The following WDR41 variants were observed in gnomAD, a reference collection of about 807,000 sequenced individuals.
WDR41 encodes WD repeat-containing protein 41.
Under a neutral mutation model 69.3 loss-of-function variants are expected in WDR41, and 63 were observed. The observed-to-expected ratio is 0.91, with a 90% CI of 0.74 to 1.12. WDR41 has a LOEUF of 1.12. WDR41 is among the 50% of genes most tolerant of loss of function. The pLI, the probability that WDR41 is intolerant of heterozygous loss-of-function variation, is 0.00. For synonymous variants in WDR41, 185 were observed against 192.1 expected (o/e 0.96, Z 0.31); for missense variants, 543 against 534.5 (o/e 1.02, Z -0.16).
intron 1 of WDR41, among the ~76,000 whole-genome samples, chr5:77,530,454 T>C (rs549007956): frequency 3.3e-5 from 5 of 151,760 alleles, no homozygotes; most frequent in South Asian, 2.1e-4. Context: ...ACTACTGATA[T>C]AATCAACAGT....
chr5:77,584,926 G>T (rs890782575), intron 1 of WDR41, among the ~76,000 whole-genome samples: 3 of 152,158 alleles, frequency 2.0e-5, no homozygotes, highest in African/African-American at 4.8e-5. Flanking sequence ...AGGATTTCAT[G>T]ACCAAGAGCT....
At chr5:77,482,519 T>G (rs2125859) in intron 2 of WDR41, among the ~76,000 whole-genome samples, 1 of 151,846 alleles carries the variant, frequency 6.6e-6, no homozygotes, top group African/African-American at 2.4e-5. Context: ...ACAGTCTGGG[T>G]TTTTTTTCCT....
intron 1 of WDR41, among the ~76,000 whole-genome samples, chr5:77,559,855 G>A (rs542905685): frequency 6.6e-6 from 1 of 152,024 alleles, no homozygotes; most frequent in Non-Finnish European, 1.5e-5. Flanking sequence ...ATTACCTCTT[G>A]GTCCAGCCAG....
intron 1 of WDR41, among the ~76,000 whole-genome samples, chr5:77,521,702 T>C (rs868199619): frequency 2.6e-5 from 4 of 152,186 alleles, no homozygotes; most frequent in Admixed American, 2.0e-4. Flanking sequence ...ACTAGAGGCT[T>C]TTTACAGTCT....
At chr5:77,560,428 GC>G (rs1402175954) in intron 1 of WDR41, among the ~76,000 whole-genome samples, 1 of 152,048 alleles carries the variant, frequency 6.6e-6, no homozygotes, top group Non-Finnish European at 1.5e-5. Flanking sequence ...ACAAATGAAA[GC>G]TTTTTCAAAC....
rs544002335 is a variant in WDR41, at chr5:77,517,984, T to A, written c.43-28412A>T. On this transcript the variant is annotated intron_variant, in intron 1 of 5. Coordinates refer to the WDR41 transcript ENST00000509971. ...TTTCTTAACAATATTCAGCAAACATTAGGCATTCAGTAAAGACTACCAAAT... is the reference window on the plus strand; with the variant it reads ...TTTCTTAACAATATTCAGCAAACATAAGGCATTCAGTAAAGACTACCAAAT... 4.6e-5 allele frequency among the ~76,000 whole-genome samples: 7 copies of A among 152,224 alleles called. No individual in the cohort carries two copies. The East Asian group carries it at 1.4e-3, about 29-fold the overall frequency.
At chr5:77,535,431 A>G (rs1199608288) in intron 1 of WDR41, among the ~76,000 whole-genome samples, 2 of 152,192 alleles carry the variant, frequency 1.3e-5, no homozygotes, top group African/African-American at 4.8e-5. Context: ...AATCTATTCC[A>G]TGATGTTCAC....
intron 1 of WDR41, among the ~76,000 whole-genome samples, chr5:77,540,230 A>G (rs10070168): frequency 0.33 from 49,852 of 152,056 alleles, 8,267 homozygotes; most frequent in Middle Eastern, 0.35. Context: ...TGCTTTGATA[A>G]TTCTGCAAAC....
At chr5:77,523,695 C>A (rs918921481) in intron 1 of WDR41, among the ~76,000 whole-genome samples, 2 of 151,996 alleles carry the variant, frequency 1.3e-5, no homozygotes, top group East Asian at 3.9e-4. Context: ...AACAATCTTG[C>A]CAACGATGAG....
chr5:77,519,112 G>A (rs1360356260), intron 1 of WDR41, among the ~76,000 whole-genome samples: 1 of 151,984 alleles, frequency 6.6e-6, no homozygotes, highest in African/African-American at 2.4e-5. Context: ...TACTTGACCA[G>A]TATAATTCAA....
At chr5:77,566,195 C>T (rs1379615604) in intron 1 of WDR41, among the ~76,000 whole-genome samples, 1 of 152,132 alleles carries the variant, frequency 6.6e-6, no homozygotes, top group Admixed American at 6.6e-5. Context: ...ATTGTCTTAG[C>T]TAACACACCA....
At chr5:77,538,871 G>T (rs559034091) in intron 1 of WDR41, among the ~76,000 whole-genome samples, 1 of 152,268 alleles carries the variant, frequency 6.6e-6, no homozygotes, top group Non-Finnish European at 1.5e-5. Context: ...TTTCTCAGAA[G>T]TCTTTTTCTA....
At chr5:77,468,638 A>G (rs1474215541) in intron 2 of WDR41, among the ~76,000 whole-genome samples, 2 of 152,214 alleles carry the variant, frequency 1.3e-5, no homozygotes, top group Non-Finnish European at 2.9e-5. Flanking sequence ...TAAAGGACAT[A>G]AAAAGTATAG....
chr5:77,602,579 CATG>C (rs143930880), intron 1 of WDR41, among the ~76,000 whole-genome samples: 4,914 of 152,010 alleles, frequency 0.032, 88 homozygotes, highest in South Asian at 0.056. Context: ...CTGCAAATGA[CATG>C]ATTTTTTTTT....
intron 6 of WDR41, chr5:77,452,147 G>C (rs1799653100): frequency 6.6e-6 from 1 of 152,016 alleles, no homozygotes; most frequent in Non-Finnish European, 1.5e-5. Flanking sequence ...GTTGTGATTT[G>C]GATAGTATTT....
chr5:77,474,954 T>G (rs1255133838), intron 2 of WDR41, among the ~76,000 whole-genome samples: 1 of 152,106 alleles, frequency 6.6e-6, no homozygotes, highest in Non-Finnish European at 1.5e-5. Flanking sequence ...GGTCAGTGGG[T>G]GCGTGCACCG....
Position 77,433,201 on chromosome 5 carries a change from A to G in WDR41, c.1314T>C (p.Ser438=). Residue 438 remains serine (S), a synonymous_variant, in exon 13 of 13, where the codon TCT becomes TCC. Transcript: ENST00000296679. ...IILWKNGERE[S]GLRSLRLFQK... is the part of the protein sequence containing the mutation. ...GAAATAATCTTAAACTGCGCAATCC[A>G]GATTCTCGCTCTCCATTTTTCCACA... 1 of 1,614,112 alleles carries G rather than the reference A, an allele frequency of 6.2e-7. No individual in the cohort carries two copies. The highest frequency in any genetic ancestry group is 8.5e-7 in the Non-Finnish European group (1 of 1,179,990).
chr5:77,585,495 G>C (rs757637082), intron 1 of WDR41, among the ~76,000 whole-genome samples: 12 of 152,132 alleles, frequency 7.9e-5, no homozygotes, highest in Non-Finnish European at 1.2e-4. Flanking sequence ...AGGAAAAGAA[G>C]CCATTATTCT....
At chr5:77,530,463 G>A (rs1802510983) in intron 1 of WDR41, among the ~76,000 whole-genome samples, 1 of 151,554 alleles carries the variant, frequency 6.6e-6, no homozygotes, top group African/African-American at 2.4e-5. Flanking sequence ...ATAATCAACA[G>A]TATGGATGAA....
Sources: allele counts gnomAD v4.1 joint callset (sites outside exome capture counted in the v4.1 genomes callset), GRCh38; gene constraint gnomAD v4.1.1; transcripts MANE v1.5; gene names NCBI Gene and HGNC (gene_info 2026-07-23, HGNC 2026-07-21).